PRDX1: variants seen among roughly 807,000 people sequenced by gnomAD.
The protein encoded by PRDX1 is peroxiredoxin-1.
PRDX1 carries 19 observed loss-of-function variants against 20.7 expected under a neutral mutation model. That is an observed-to-expected ratio of 0.92 (90% CI 0.64 to 1.35). The LOEUF (loss-of-function observed/expected upper bound fraction) is 1.35, where lower values mean the gene tolerates loss of function less well. Ranked by LOEUF, PRDX1 falls within the 40% of genes most tolerant of loss-of-function variation. PRDX1 has a pLI of 0.00. For synonymous variants in PRDX1, 89 were observed against 83.9 expected (o/e 1.06, Z -0.33); for missense variants, 226 against 240.0 (o/e 0.94, Z 0.38).
intron 3 of PRDX1, among the ~76,000 whole-genome samples, chr1:45,515,381 C>G (rs185537299): frequency 5.3e-4 from 80 of 152,134 alleles, no homozygotes; most frequent in Non-Finnish European, 9.4e-4. Flanking sequence ...GGGCAGATCA[C>G]GAGGTCAGGA....
intron 1 of PRDX1, 62 bp downstream of exon 1, chr1:45,521,767 G>C (rs1011703833): frequency 6.5e-6 from 1 of 152,736 alleles, no homozygotes; most frequent in Non-Finnish European, 1.5e-5. Context: ...AGGAGGAAGA[G>C]GCAACAGGCA....
At chr1:45,516,623 A>T (rs1160307824) in intron 2 of PRDX1, among the ~76,000 whole-genome samples, 1 of 152,244 alleles carries the variant, frequency 6.6e-6, no homozygotes, top group African/African-American at 2.4e-5. Context: ...CAAACTGGCC[A>T]GGCAGCCTTC....
chr1:45,511,106 C>T lies in PRDX1; in HGVS notation c.*223G>A, dbSNP rs952099770. ...AGATTAATGGGTTGCTCTACTAATA[C>T]ATCATACAAACCAGTAGCCTGCCCA... On this transcript the variant is annotated 3_prime_UTR_variant, in exon 6 of 6. Transcript: ENST00000319248. 4.7e-6 allele frequency: 2 copies of T among 425,556 alleles called. No individual in the cohort carries two copies. Among genetic ancestry groups the T allele is most frequent in the South Asian group, 5.5e-5 (1 of 18,200 alleles). 26.4% of individuals were successfully genotyped at this position (425,556 alleles called of 1,614,324 possible).
chr1:45,515,503 G>T, intron 3 of PRDX1, 151 bp downstream of exon 3: 1 of 791,674 alleles, frequency 1.3e-6, no homozygotes, highest in South Asian at 2.0e-5. Context: ...GGAGGCTGAG[G>T]CAGGAGAATG....
intron 2 of PRDX1, among the ~76,000 whole-genome samples, chr1:45,517,042 A>C (rs943845282): frequency 2.0e-5 from 3 of 149,414 alleles, no homozygotes; most frequent in Non-Finnish European, 3.0e-5. Context: ...AAAAAAAGCC[A>C]AACAAGCAGC....
chr1:45,520,386 A>T (rs1038296341), intron 1 of PRDX1, among the ~76,000 whole-genome samples: 8 of 151,114 alleles, frequency 5.3e-5, no homozygotes, highest in Non-Finnish European at 8.9e-5. Flanking sequence ...ACTGCTGAAA[A>T]GGAAGGTTGC....
intron 2 of PRDX1, among the ~76,000 whole-genome samples, chr1:45,516,101 A>T (rs963123449): frequency 1.3e-5 from 2 of 152,260 alleles, no homozygotes; most frequent in Non-Finnish European, 2.9e-5. Context: ...AAATTAACAT[A>T]AACACCAAGT....
intron 2 of PRDX1, 145 bp downstream of exon 2, chr1:45,518,793 A>T: frequency 1.4e-6 from 1 of 724,146 alleles, no homozygotes; most frequent in Non-Finnish European, 2.3e-6. Context: ...GATAATCACC[A>T]CTTCAACATG....
In PRDX1 at chr1:45,514,924, G is replaced by C. The variant is rs776067972; in HGVS notation, c.332C>G (p.Thr111Ser). Residue 111 changes from threonine (T) to serine (S), a missense_variant, in exon 4 of 6, where the codon ACC becomes AGC. By Grantham distance (58) the Thr-to-Ser change is moderately conservative. Transcript: ENST00000319248. Reference sequence around the variant, plus strand: ...TAAGACCCCATAATCCTGAGCAATGGTGCGCTTCGGGTCTGATACCAAAGG... The same window carrying C: ...TAAGACCCCATAATCCTGAGCAATGCTGCGCTTCGGGTCTGATACCAAAGG... ...NIPLVSDPKR[T>S]IAQDYGVLKA... 12 of 1,614,064 alleles carry C rather than the reference G, an allele frequency of 7.4e-6. No individual in the cohort carries two copies. In the African/African-American group the frequency reaches 1.2e-4, roughly 16 times the overall value.
At chr1:45,515,549 A>C in intron 3 of PRDX1, 105 bp downstream of exon 3, 5 of 1,156,018 alleles carry the variant, frequency 4.3e-6, no homozygotes, top group Non-Finnish European at 5.9e-6. Context: ...AAGTGAGCGG[A>C]GATCACACCA....
At position 45,519,064 on chromosome 1, in the gene PRDX1, A is replaced by G. The variant is rs780245205; in HGVS notation, c.-11-10T>C. 2.0e-6 allele frequency: 3 copies of G among 1,528,582 alleles called. No homozygotes were observed. The highest frequency in any genetic ancestry group is 2.3e-5 in the East Asian group (1 of 43,938). The allele number at this position is 1,528,582 out of a possible 1,614,324, so 94.7% of individuals were successfully genotyped here. On this transcript the variant is annotated splice_polypyrimidine_tract_variant and intron_variant, in intron 1 of 5. Coordinates refer to ENST00000319248, the MANE Select transcript of PRDX1 (RefSeq NM_181697.3). The stretch of plus-strand genomic sequence containing the variant: ...GACATCTTCCTATCAGCTAGAAATA[A>G]CAGAAATGAATTAGAAACAAGCCTT...
At position 45,514,885 on chromosome 1, in the gene PRDX1, C is replaced by A. The variant is rs761764463; in HGVS notation, c.371G>T (p.Gly124Val). 5.0e-6 allele frequency: 8 copies of A among 1,613,980 alleles called. No homozygotes were observed. Among genetic ancestry groups the A allele is most frequent in the Middle Eastern group, 1.6e-4 (1 of 6,080 alleles). ...QDYGVLKADE[G>V]ISFRGLFIID... ...CCTGATGACATACCTGAACGAGATG[C>A]CTTCATCAGCCTTTAAGACCCCATA... Residue 124 changes from glycine (G) to valine (V), a missense_variant, in exon 4 of 6, where the codon GGC (glycine) becomes GTC (valine). Physicochemically the swap from Gly to Val is moderately radical, Grantham distance 109 (BLOSUM62 -3). Transcript: ENST00000319248.
chr1:45,520,003 G>A (rs35092140), intron 1 of PRDX1, among the ~76,000 whole-genome samples: 61,409 of 151,782 alleles, frequency 0.4, 13,149 homozygotes, highest in East Asian at 0.59. Flanking sequence ...TCAGGAGTTC[G>A]AGACCAGTCT....
chr1:45,513,790 GAC>G (rs1643802746), intron 5 of PRDX1, among the ~76,000 whole-genome samples: 1 of 152,164 alleles, frequency 6.6e-6, no homozygotes, highest in South Asian at 2.1e-4. Flanking sequence ...AGTATCCGGG[GAC>G]ACAAACACTG....
intron 2 of PRDX1, among the ~76,000 whole-genome samples, chr1:45,516,728 G>A (rs968784934): frequency 6.6e-6 from 1 of 152,154 alleles, no homozygotes; most frequent in African/African-American, 2.4e-5. Flanking sequence ...CAGGCTGGGT[G>A]TGGTGGCATG....
chr1:45,515,916 G>A, intron 2 of PRDX1, 109 bp from the exon 3 acceptor site: 1 of 1,092,384 alleles, frequency 9.2e-7, no homozygotes, highest in Non-Finnish European at 1.3e-6. Context: ...ACCACTAACT[G>A]CCAAGATGCT....
chr1:45,518,962 C>A lies in PRDX1; in HGVS notation c.82G>T (p.Asp28Tyr). 3 of 1,605,138 alleles carry A rather than the reference C, an allele frequency of 1.9e-6. No homozygotes were observed. The African/African-American group carries it at 4.0e-5, about 22-fold the overall frequency. Residue 28 changes from aspartate (D) to tyrosine (Y), a missense_variant, in exon 2 of 6, where the codon GAT becomes TAT. By Grantham distance (160) the Asp-to-Tyr change is radical (BLOSUM62 -3). Coordinates refer to ENST00000319248, the MANE Select transcript of PRDX1 (RefSeq NM_181697.3). ...CCTTTGTAGTCAGACAGGCTGATAT[C>A]TTTAAACTGACCATCTGGCATAACA... is the stretch of plus-strand genomic sequence containing the variant. ...TAVMPDGQFKDISLSDYKGKY... is the reference protein window; with the variant it reads ...TAVMPDGQFKYISLSDYKGKY...
Position 45,518,942 on chromosome 1 carries a change from G to A in PRDX1, c.102C>T (p.Tyr34=), listed in dbSNP as rs753270779. Residue 34 remains tyrosine (Y), a synonymous_variant, in exon 2 of 6, where the codon TAC becomes TAT. Coordinates refer to ENST00000319248, the MANE Select transcript of PRDX1 (RefSeq NM_181697.3). Reference sequence around the variant, plus strand: ...GCCCAGTGTTAATTCTCTCACCTTTGTAGTCAGACAGGCTGATATCTTTAA... The same window carrying A: ...GCCCAGTGTTAATTCTCTCACCTTTATAGTCAGACAGGCTGATATCTTTAA... ...GQFKDISLSD[Y]KGKYVVFFFY... The A allele has an allele frequency of 1.9e-6, 3 of 1,593,678 alleles. No homozygotes were observed. Among genetic ancestry groups the A allele is most frequent in the South Asian group, 1.1e-5 (1 of 88,506 alleles).
In PRDX1 at chr1:45,514,562, CACAGAGCGGCCA is replaced by C. The variant is rs763987742; in HGVS notation, c.447_458del (p.Gly150_Val153del). ...CCTGAACTAGTCTCAAAGTCTCATC[CACAGAGCGGCCA>C]ACAGGGAGGTCATTTACAGTGATCT... is the stretch of plus-strand genomic sequence containing the variant. On this transcript the variant is annotated inframe_deletion, in exon 5 of 6. Coordinates refer to ENST00000319248, the MANE Select transcript of PRDX1 (RefSeq NM_181697.3). 3 of 1,613,958 alleles carry C rather than the reference CACAGAGCGGCCA, an allele frequency of 1.9e-6. No individual in the cohort carries two copies.
Sources: gnomAD v4.1 joint callset for allele counts (sites outside exome capture counted in the v4.1 genomes callset) on GRCh38, gnomAD v4.1.1 for gene constraint, MANE v1.5 for transcripts, NCBI Gene and HGNC (gene_info 2026-07-23, HGNC 2026-07-21) for gene names.